NEK10: variants seen among roughly 807,000 people sequenced by gnomAD.
The protein encoded by NEK10 is serine/threonine-protein kinase Nek10.
In NEK10, 122 loss-of-function variants were observed where a neutral mutation model predicts 159.8. The ratio of observed to expected loss-of-function variants is 0.76; its 90% confidence interval spans 0.66 to 0.89. The LOEUF is 0.89. NEK10 is among the 40% of genes least tolerant of loss of function. NEK10 has a pLI of 0.00. For missense variants in NEK10, 1,342 were observed against 1,323.1 expected, an observed-to-expected ratio of 1.01 and a Z score of -0.22; for synonymous variants, 466 against 457.1, an observed-to-expected ratio of 1.02 and a Z score of -0.25.
At chr3:27,164,017 T>C (rs1946260231) in intron 29 of NEK10, among the ~76,000 whole-genome samples, 1 of 152,194 alleles carries the variant, frequency 6.6e-6, no homozygotes, top group Non-Finnish European at 1.5e-5. Flanking sequence ...TTCTTCCCTG[T>C]TCCTTTCCAT....
chr3:27,177,241 G>A (rs1947594020), intron 26 of NEK10, among the ~76,000 whole-genome samples: 1 of 151,980 alleles, frequency 6.6e-6, no homozygotes, highest in East Asian at 1.9e-4. Flanking sequence ...GGATAGTTTG[G>A]GTTTAAAATT....
intron 19 of NEK10, among the ~76,000 whole-genome samples, chr3:27,289,558 C>A (rs569695583): frequency 6.6e-6 from 1 of 152,182 alleles, no homozygotes; most frequent in Non-Finnish European, 1.5e-5. Context: ...GCCAGCAGAT[C>A]GTAAGCAATA....
intron 12 of NEK10, among the ~76,000 whole-genome samples, chr3:27,303,455 A>G (rs2043988619): frequency 6.6e-6 from 1 of 152,174 alleles, no homozygotes; most frequent in Non-Finnish European, 1.5e-5. Flanking sequence ...CATGATCATC[A>G]TTACCATCGT....
At chr3:27,230,951 T>A (rs1305840439) in intron 23 of NEK10, among the ~76,000 whole-genome samples, 2 of 151,938 alleles carry the variant, frequency 1.3e-5, no homozygotes, top group African/African-American at 2.4e-5. Flanking sequence ...AATAGACAGA[T>A]CATCAAGACA....
intron 26 of NEK10, among the ~76,000 whole-genome samples, chr3:27,176,456 T>G (rs1484632485): frequency 6.6e-6 from 1 of 152,184 alleles, no homozygotes. Flanking sequence ...CTCAGAAATT[T>G]TTCCAATGCC....
rs191714370 is a variant in NEK10 at position 27,134,729 on chromosome 3, G to A, written c.2971-2739C>T. 1.6e-4 allele frequency among the ~76,000 whole-genome samples: 25 copies of A among 152,152 alleles called. No homozygotes were observed. The East Asian group carries it at 4.6e-3, about 28-fold the overall frequency. On this transcript the variant is annotated intron_variant, in intron 31 of 35. Coordinates refer to ENST00000691995, the MANE Select transcript of NEK10 (RefSeq NM_001394966.1). Reference sequence around the variant, plus strand: ...TATTAGAAAGCTATTGATCTTACTGGAATAATTATTACAATGGACAGCACC... The same window carrying A: ...TATTAGAAAGCTATTGATCTTACTGAAATAATTATTACAATGGACAGCACC...
chr3:27,349,626 T>A (rs2047824355), intron 3 of NEK10, among the ~76,000 whole-genome samples: 2 of 152,326 alleles, frequency 1.3e-5, no homozygotes, highest in East Asian at 1.9e-4. Flanking sequence ...CATCTTTTTT[T>A]AAAATTCCAA....
At chr3:27,132,641 A>G (rs1942756538) in intron 31 of NEK10, among the ~76,000 whole-genome samples, 1 of 152,194 alleles carries the variant, frequency 6.6e-6, no homozygotes, top group South Asian at 2.1e-4. Context: ...ATGGGGATTA[A>G]AAAAATGATT....
In NEK10 at chr3:27,352,938, G is replaced by T; in HGVS notation, c.-37-19C>A. 7.3e-7 allele frequency: 1 copy of T among 1,368,342 alleles called. No individual in the cohort carries two copies. The highest frequency in any genetic ancestry group is 1.2e-5 in the South Asian group (1 of 83,648). 84.8% of individuals were successfully genotyped at this position (1,368,342 alleles called of 1,614,324 possible). Reference sequence around the variant, plus strand: ...CGCATTCCTTTAAAATTAAACCAGAGGGAAAATTTTAGTTGGGTTGCGTGT... The same window carrying T: ...CGCATTCCTTTAAAATTAAACCAGATGGAAAATTTTAGTTGGGTTGCGTGT... On this transcript the variant is annotated intron_variant, in intron 1 of 35. Transcript: ENST00000691995.
intron 1 of NEK10, among the ~76,000 whole-genome samples, chr3:27,365,314 G>A (rs916384977): frequency 1.3e-4 from 20 of 152,032 alleles, no homozygotes; most frequent in African/African-American, 4.8e-4. Flanking sequence ...GGTATCTTTT[G>A]TAGACATGAG....
At chr3:27,161,586 C>A (rs569299381) in intron 30 of NEK10, among the ~76,000 whole-genome samples, 2 of 152,266 alleles carry the variant, frequency 1.3e-5, no homozygotes, top group South Asian at 4.1e-4. Context: ...AAAGCATAAT[C>A]ATCAAACTTT....
At chr3:27,284,993 T>G in intron 20 of NEK10, 32 bp from the exon 21 acceptor site, 1 of 1,547,458 alleles carries the variant, frequency 6.5e-7, no homozygotes, top group Non-Finnish European at 8.7e-7. Context: ...TCACAGAAAT[T>G]TAAACTCAAT....
intron 18 of NEK10, 34 bp from the exon 19 acceptor site, chr3:27,290,788 G>A (rs756938943): frequency 1.3e-6 from 2 of 1,543,486 alleles, no homozygotes; most frequent in Non-Finnish European, 1.8e-6. Context: ...ACAACAAAAG[G>A]AACAGGGTAA....
chr3:27,284,544 A>G (rs890892238), intron 22 of NEK10, 58 bp downstream of exon 22: 6 of 961,862 alleles, frequency 6.2e-6, no homozygotes, highest in Non-Finnish European at 1.0e-5. Context: ...GGACACTACT[A>G]CTCTAGGATA....
At chr3:27,240,072 G>T (rs573802330) in intron 23 of NEK10, among the ~76,000 whole-genome samples, 19 of 152,252 alleles carry the variant, frequency 1.2e-4, no homozygotes, top group African/African-American at 4.6e-4. Context: ...TAATCCTACT[G>T]TTTTATGGTC....
intron 12 of NEK10, among the ~76,000 whole-genome samples, chr3:27,302,180 T>C (rs1408723308): frequency 1.3e-5 from 2 of 152,218 alleles, no homozygotes; most frequent in African/African-American, 4.8e-5. Context: ...TCAATCTTCC[T>C]TTATTTTAAG....
chr3:27,185,699 T>C (rs1405049415), intron 26 of NEK10, among the ~76,000 whole-genome samples: 1 of 152,214 alleles, frequency 6.6e-6, no homozygotes, highest in East Asian at 1.9e-4. Flanking sequence ...GGACTGTCAA[T>C]GTATATGACA....
intron 22 of NEK10, among the ~76,000 whole-genome samples, chr3:27,271,067 C>T (rs2041300386): frequency 2.6e-5 from 4 of 152,044 alleles, no homozygotes; most frequent in Admixed American, 1.3e-4. Flanking sequence ...CTGATGGATA[C>T]ATATCTTTTA....
intron 23 of NEK10, among the ~76,000 whole-genome samples, chr3:27,249,017 G>A (rs1955388226): frequency 6.6e-6 from 1 of 152,130 alleles, no homozygotes; most frequent in South Asian, 2.1e-4. Context: ...ATCTTGAATT[G>A]TAATCCCTAT....
Sources: allele counts gnomAD v4.1 joint callset (sites outside exome capture counted in the v4.1 genomes callset), GRCh38; gene constraint gnomAD v4.1.1; transcripts MANE v1.5; gene names NCBI Gene and HGNC (gene_info 2026-07-23, HGNC 2026-07-21).